HS3ST5: variants seen among roughly 807,000 people sequenced by gnomAD.
HS3ST5 encodes heparan sulfate-glucosamine 3-sulfotransferase 5.
A neutral mutation model predicts 25.4 loss-of-function variants in HS3ST5; 10 were observed. That is an observed-to-expected ratio of 0.39 (90% confidence interval 0.24 to 0.67). The LOEUF (loss-of-function observed/expected upper bound fraction) is 0.67. Among genes scored for constraint, HS3ST5 ranks in the 30% least tolerant of loss-of-function variants. The pLI, the probability that HS3ST5 is intolerant of heterozygous loss-of-function variation, is 0.44. For synonymous variants in HS3ST5, 170 were observed against 162.4 expected (o/e 1.05, Z -0.36); for missense variants, 324 against 420.7 (o/e 0.77, Z 2.01).
At chr6:114,223,150 T>G (rs1054718671) in intron 2 of HS3ST5, among the ~76,000 whole-genome samples, 3 of 151,690 alleles carry the variant, frequency 2.0e-5, no homozygotes, top group African/African-American at 7.2e-5. Flanking sequence ...TTTTTGAATA[T>G]TTTTTTCATT....
chr6:114,080,565 A>C (rs1177655575), intron 3 of HS3ST5, among the ~76,000 whole-genome samples: 1 of 152,250 alleles, frequency 6.6e-6, no homozygotes, highest in Non-Finnish European at 1.5e-5. Flanking sequence ...CTGGATAAAG[A>C]AAATGTGGTG....
chr6:114,096,497 T>C (rs1775433768), intron 3 of HS3ST5, among the ~76,000 whole-genome samples: 1 of 152,104 alleles, frequency 6.6e-6, no homozygotes. Flanking sequence ...CTGGAAAGGT[T>C]ACCAGGTGAG....
chr6:114,210,549 A>C (rs1017713539), intron 2 of HS3ST5, among the ~76,000 whole-genome samples: 1 of 152,208 alleles, frequency 6.6e-6, no homozygotes, highest in Admixed American at 6.5e-5. Context: ...TACAATTCCA[A>C]GAGACAAATG....
Position 114,084,249 on chromosome 6 carries a change from A to G in HS3ST5, c.-32-21372T>C, listed in dbSNP as rs1449813965. 5.0e-6 allele frequency: 5 copies of G among 994,182 alleles called. No individual in the cohort carries two copies. The African/African-American group carries it at 6.3e-5, about 13-fold the overall frequency. 61.6% of individuals were successfully genotyped at this position (994,182 alleles called of 1,614,324 possible). A position where few individuals can be genotyped will look rare whatever the true frequency, so the allele number is the denominator to read the frequency against. On this transcript the variant is annotated intron_variant, in intron 3 of 4. Coordinates refer to ENST00000312719, the MANE Select transcript of HS3ST5 (RefSeq NM_153612.4). ...CAGACCAGTCTTCCGTGGCAGGCTG[A>G]GCACTCCAATATTCAGTAGGGAACT... is the stretch of plus-strand genomic sequence containing the variant.
intron 2 of HS3ST5, among the ~76,000 whole-genome samples, chr6:114,179,608 T>C (rs1779869776): frequency 6.6e-6 from 1 of 151,768 alleles, no homozygotes; most frequent in South Asian, 2.1e-4. Flanking sequence ...CAAAATTTCC[T>C]TGGATTTTGA....
chr6:114,104,315 C>T (rs1372240542), intron 3 of HS3ST5, among the ~76,000 whole-genome samples: 1 of 152,142 alleles, frequency 6.6e-6, no homozygotes, highest in Non-Finnish European at 1.5e-5. Flanking sequence ...AATTAGGTCT[C>T]AAGGGACACA....
chr6:114,271,811 TCTCTC>T (rs1021372394), intron 1 of HS3ST5, among the ~76,000 whole-genome samples: 4 of 152,060 alleles, frequency 2.6e-5, no homozygotes, highest in Non-Finnish European at 4.4e-5. Flanking sequence ...GAGGAAGAAT[TCTCTC>T]CTCTCCTTTC....
chr6:114,136,918 G>A (rs1777645799), intron 3 of HS3ST5, among the ~76,000 whole-genome samples: 1 of 152,170 alleles, frequency 6.6e-6, no homozygotes, highest in African/African-American at 2.4e-5. Context: ...TATTTACAGA[G>A]TGCCAAAAGT....
At chr6:114,111,773 T>A (rs1431325543) in intron 3 of HS3ST5, among the ~76,000 whole-genome samples, 1 of 152,194 alleles carries the variant, frequency 6.6e-6, no homozygotes, top group Non-Finnish European at 1.5e-5. Flanking sequence ...GACTTGTTAC[T>A]CATTTTCTTG....
intron 1 of HS3ST5, among the ~76,000 whole-genome samples, chr6:114,340,237 G>T: frequency 6.6e-6 from 1 of 152,160 alleles, no homozygotes; most frequent in East Asian, 1.9e-4. Flanking sequence ...GCTCAACCTA[G>T]AAACCAGGAT....
At chr6:114,138,033 T>C (rs541105689) in intron 3 of HS3ST5, among the ~76,000 whole-genome samples, 157 of 152,102 alleles carry the variant, frequency 1.0e-3, no homozygotes, top group Middle Eastern at 6.8e-3. Context: ...TAGCATTTTA[T>C]AGATTAAAAA....
At position 114,199,599 on chromosome 6, in the gene HS3ST5, A is replaced by G. The variant is rs199577417; in HGVS notation, c.-145+28986T>C. On this transcript the variant is annotated intron_variant, in intron 2 of 4. Coordinates refer to ENST00000312719, the MANE Select transcript of HS3ST5 (RefSeq NM_153612.4). ...ACAAATAAAAATTAAAAATAAGAGA[A>G]TCCTCCTGTTGAAAATAAGGGAACA... Among the ~76,000 whole-genome samples, 4 of 114,114 alleles carry G rather than the reference A, an allele frequency of 3.5e-5. No homozygotes were observed. In the South Asian group the frequency reaches 1.2e-3, roughly 33 times the overall value. The allele number at this position is 114,114 out of a possible 152,430, so 74.9% of individuals were successfully genotyped here.
At chr6:114,199,983 G>C (rs76511448) in intron 2 of HS3ST5, among the ~76,000 whole-genome samples, 2 of 152,162 alleles carry the variant, frequency 1.3e-5, no homozygotes, top group African/African-American at 4.8e-5. Context: ...GGAGGCTAAG[G>C]GGGTGGAGGG....
chr6:114,213,849 C>T (rs1220977702), intron 2 of HS3ST5, among the ~76,000 whole-genome samples: 1 of 152,178 alleles, frequency 6.6e-6, no homozygotes, highest in Non-Finnish European at 1.5e-5. Context: ...ATATGGTGAA[C>T]TCTAGCAAAT....
In HS3ST5 at chr6:114,334,783, T is replaced by C. The variant is rs1582823963; in HGVS notation, c.-339+7412A>G. 2.0e-5 allele frequency among the ~76,000 whole-genome samples: 3 copies of C among 152,246 alleles called. No homozygotes were observed. The South Asian group carries it at 6.2e-4, about 31-fold the overall frequency. On this transcript the variant is annotated intron_variant, in intron 1 of 4. Transcript: ENST00000312719. ...AGCTAACAATGCATATCCCAGAATG[T>C]ATCTCCATTGTCAAGTGACAAATTA...
At chr6:114,189,084 G>A (rs781370563) in intron 2 of HS3ST5, among the ~76,000 whole-genome samples, 1 of 151,972 alleles carries the variant, frequency 6.6e-6, no homozygotes, top group Non-Finnish European at 1.5e-5. Flanking sequence ...GGCTTCTTGA[G>A]AAAGGGTGTA....
At chr6:114,216,065 G>A (rs1781745342) in intron 2 of HS3ST5, among the ~76,000 whole-genome samples, 2 of 152,152 alleles carry the variant, frequency 1.3e-5, no homozygotes, top group Admixed American at 6.5e-5. Flanking sequence ...TTTTAACTGC[G>A]GCTCTGCTGC....
At position 114,213,073 on chromosome 6, in the gene HS3ST5, G is replaced by A. The variant is rs912147685; in HGVS notation, c.-145+15512C>T. ...GGTAAATGCAGAGGATTTTATTGCC[G>A]ATGAAAGTGGCTCTCAGCGGGATGG... On this transcript the variant is annotated intron_variant, in intron 2 of 4. Transcript: ENST00000312719. 1.3e-4 allele frequency among the ~76,000 whole-genome samples: 20 copies of A among 152,206 alleles called. No homozygotes were observed. The East Asian group carries it at 2.1e-3, about 16-fold the overall frequency.
intron 2 of HS3ST5, among the ~76,000 whole-genome samples, chr6:114,184,176 C>T (rs1386605710): frequency 2.0e-5 from 3 of 151,016 alleles, no homozygotes; most frequent in Non-Finnish European, 2.9e-5. Flanking sequence ...GCCATTCTCC[C>T]GCCTCTATCT....
Sources: gnomAD v4.1 joint callset for allele counts (sites outside exome capture counted in the v4.1 genomes callset) on GRCh38, gnomAD v4.1.1 for gene constraint, MANE v1.5 for transcripts, NCBI Gene and HGNC (gene_info 2026-07-23, HGNC 2026-07-21) for gene names.